Variants in PARD3 observed in about 807,000 individuals in gnomAD.
PARD3 encodes the protein partitioning defective 3 homolog.
A neutral mutation model predicts 155.4 loss-of-function variants in PARD3; 75 were observed. The observed-to-expected ratio is 0.48, with a 90% CI of 0.40 to 0.58. The LOEUF is 0.58. Ranked by LOEUF, PARD3 falls within the 20% of genes least tolerant of loss-of-function variation. The pLI, the probability that PARD3 is intolerant of heterozygous loss-of-function variation, is 0.00. For synonymous variants in PARD3, 576 were observed against 610.5 expected (o/e 0.94, Z 0.83); for missense variants, 1,642 against 1,721.7 (o/e 0.95, Z 0.82).
chr10:34,648,546 G>A (rs573987948), intron 2 of PARD3, among the ~76,000 whole-genome samples: 2 of 152,220 alleles, frequency 1.3e-5, no homozygotes, highest in South Asian at 4.1e-4. Context: ...TCTGGCCTCC[G>A]CCTCAGATCA....
At chr10:34,355,936 A>C (rs1363852084) in intron 14 of PARD3, among the ~76,000 whole-genome samples, 3 of 114,432 alleles carry the variant, frequency 2.6e-5, no homozygotes, top group African/African-American at 8.1e-5. Context: ...AAAAAAAAAA[A>C]AAAAAAAAAA....
chr10:34,476,368 A>AC (rs2078704313), intron 3 of PARD3, among the ~76,000 whole-genome samples: 1 of 152,168 alleles, frequency 6.6e-6, no homozygotes, highest in Non-Finnish European at 1.5e-5. Flanking sequence ...AGTGATCTCT[A>AC]CATTTTTGCC....
intron 5 of PARD3, among the ~76,000 whole-genome samples, chr10:34,436,414 G>C (rs1445941556): frequency 6.6e-6 from 1 of 152,222 alleles, no homozygotes; most frequent in Admixed American, 6.5e-5. Flanking sequence ...AACTGATCAA[G>C]TCAGTTTAAT....
chr10:34,334,721 A>G (rs11009739), intron 18 of PARD3, among the ~76,000 whole-genome samples: 1 of 147,588 alleles, frequency 6.8e-6, no homozygotes. Context: ...TTGGTAGAAT[A>G]GACTGCACAA....
At chr10:34,242,439 T>C (rs930089787) in intron 22 of PARD3, among the ~76,000 whole-genome samples, 1 of 151,774 alleles carries the variant, frequency 6.6e-6, no homozygotes, top group South Asian at 2.1e-4. Flanking sequence ...GCGACTACCT[T>C]CATCTGCACC....
intron 5 of PARD3, among the ~76,000 whole-genome samples, chr10:34,417,697 C>A (rs1449735552): frequency 2.0e-5 from 3 of 152,170 alleles, no homozygotes; most frequent in African/African-American, 7.2e-5. Context: ...TACTACTGTT[C>A]AGCTTTTCTG....
At chr10:34,726,835 A>G (rs1402526316) in intron 1 of PARD3, among the ~76,000 whole-genome samples, 1 of 152,026 alleles carries the variant, frequency 6.6e-6, no homozygotes, top group African/African-American at 2.4e-5. Flanking sequence ...GGCCAGCATT[A>G]CATCTTTATA....
chr10:34,605,939 A>C (rs1397205742), intron 2 of PARD3, among the ~76,000 whole-genome samples: 1 of 117,334 alleles, frequency 8.5e-6, no homozygotes, highest in African/African-American at 3.7e-5. Context: ...TCCTATATAT[A>C]TATATCTCCT....
rs5784409 is a variant in PARD3 at position 34,303,162 on chromosome 10, A to ATTTTTTTTTTT, written c.3065+13934_3065+13944dup. On this transcript the variant is annotated intron_variant, in intron 20 of 24. Transcript: ENST00000374788. The stretch of plus-strand genomic sequence containing the variant: ...AGAATTTATTTTACTGCCCAGGTGA[A>ATTTTTTTTTTT]TTTTTTTTTTTTTTTTTTTTGTGCA... Among the ~76,000 whole-genome samples the ATTTTTTTTTTT allele has an allele frequency of 1.8e-3, 243 of 131,922 alleles. 4 individuals carry two copies. Among genetic ancestry groups the ATTTTTTTTTTT allele is most frequent in the African/African-American group, 6.8e-3 (228 of 33,484 alleles). The allele number at this position is 131,922 out of a possible 152,430, so 86.5% of individuals were successfully genotyped here.
chr10:34,230,061 TA>T (rs1249619419), intron 22 of PARD3, among the ~76,000 whole-genome samples: 4 of 152,132 alleles, frequency 2.6e-5, no homozygotes, highest in Admixed American at 2.0e-4. Flanking sequence ...GCAAATACAT[TA>T]GTGTCAAATA....
intron 22 of PARD3, among the ~76,000 whole-genome samples, chr10:34,219,679 T>G (rs1952181890): frequency 6.6e-6 from 1 of 152,210 alleles, no homozygotes; most frequent in Non-Finnish European, 1.5e-5. Context: ...CCCCCTGGTT[T>G]TGATGTTAGG....
At chr10:34,637,300 CCT>C (rs2092512509) in intron 2 of PARD3, among the ~76,000 whole-genome samples, 1 of 152,288 alleles carries the variant, frequency 6.6e-6, no homozygotes, top group East Asian at 1.9e-4. Context: ...CCAACTAACT[CCT>C]CTTATTTCCA....
chr10:34,807,344 C>T (rs1046135434), intron 1 of PARD3, among the ~76,000 whole-genome samples: 1 of 152,212 alleles, frequency 6.6e-6, no homozygotes. Context: ...GAGCGTTGTT[C>T]ATAGTGGCTT....
At chr10:34,254,144 G>A (rs1432153756) in intron 22 of PARD3, among the ~76,000 whole-genome samples, 3 of 152,186 alleles carry the variant, frequency 2.0e-5, no homozygotes, top group East Asian at 3.9e-4. Flanking sequence ...CACTTTGGGA[G>A]GCCAAGGCGG....
intron 4 of PARD3, among the ~76,000 whole-genome samples, chr10:34,466,377 A>AT (rs1385510256): frequency 2.0e-5 from 3 of 152,136 alleles, no homozygotes; most frequent in Non-Finnish European, 2.9e-5. Flanking sequence ...CTCGTTTGTG[A>AT]TTTTGAACCA....
At chr10:34,170,328 C>T (rs1949727673) in intron 22 of PARD3, among the ~76,000 whole-genome samples, 1 of 152,162 alleles carries the variant, frequency 6.6e-6, no homozygotes, top group Non-Finnish European at 1.5e-5. Flanking sequence ...TCAAGCAATC[C>T]TCCCACCTCA....
At chr10:34,349,941 T>C (rs934476991) in intron 14 of PARD3, among the ~76,000 whole-genome samples, 1 of 152,172 alleles carries the variant, frequency 6.6e-6, no homozygotes, top group Non-Finnish European at 1.5e-5. Context: ...ATGCAGGTTT[T>C]CTAGAGAAAA....
At chr10:34,338,444 A>G (rs10508803) in intron 16 of PARD3, among the ~76,000 whole-genome samples, 6,844 of 152,286 alleles carry the variant, frequency 0.045, 478 homozygotes, top group African/African-American at 0.16. Flanking sequence ...CTACTATATC[A>G]GGTCCGGCCA....
At chr10:34,492,597 A>G (rs2079991670) in intron 3 of PARD3, among the ~76,000 whole-genome samples, 2 of 152,342 alleles carry the variant, frequency 1.3e-5, no homozygotes, top group Non-Finnish European at 2.9e-5. Context: ...TTAGAAAATA[A>G]TATTTGAAAT....
Sources: gnomAD v4.1 joint callset for allele counts (sites outside exome capture counted in the v4.1 genomes callset) on GRCh38, gnomAD v4.1.1 for gene constraint, MANE v1.5 for transcripts, NCBI Gene and HGNC (gene_info 2026-07-23, HGNC 2026-07-21) for gene names.